NAV1: variants seen among roughly 807,000 people sequenced by gnomAD.
The protein encoded by NAV1 is neuron navigator 1, also known as pore membrane and/or filament interacting like protein 3.
Under a neutral mutation model 175.2 loss-of-function variants are expected in NAV1, and 18 were observed. The observed-to-expected ratio is 0.10, with a 90% CI of 0.07 to 0.15. The LOEUF (loss-of-function observed/expected upper bound fraction) is 0.15, where lower values mean the gene tolerates loss of function less well. NAV1 is among the 10% of genes least tolerant of loss of function. The probability of loss-of-function intolerance (pLI) is 1.00; values close to 1 mark genes in which losing one functional copy is unlikely to be tolerated. For synonymous variants in NAV1, 897 were observed against 978.7 expected (o/e 0.92, Z 1.56); for missense variants, 1,731 against 2,436.6 (o/e 0.71, Z 6.10).
intron 1 of NAV1, among the ~76,000 whole-genome samples, chr1:201,706,018 T>G (rs1365292352): frequency 1.3e-5 from 2 of 152,064 alleles, no homozygotes; most frequent in African/African-American, 4.8e-5. Context: ...TGCACTGAGG[T>G]GGGCCTGCAA....
rs766358064 is a variant in NAV1, at chr1:201,718,794, T to C, written c.1226+39T>C. 1.8e-5 allele frequency: 29 copies of C among 1,567,632 alleles called. 1 individual carries two copies. The South Asian group carries it at 3.3e-4, about 18-fold the overall frequency. On this transcript the variant is annotated intron_variant, in intron 3 of 29. Coordinates refer to ENST00000367296, the Ensembl canonical transcript of NAV1. The surrounding 1 kb of genome is among the most constrained non-coding windows in gnomAD (Gnocchi z 4.8). ...CTTCTTGGATGGCGGGGGAGGATGG[T>C]GGAAAGACCACTGGGATGCGACGCC... is the stretch of plus-strand genomic sequence containing the variant.
intron 1 of NAV1, among the ~76,000 whole-genome samples, chr1:201,681,090 T>C (rs1049492249): frequency 6.6e-6 from 1 of 152,082 alleles, no homozygotes; most frequent in African/African-American, 2.4e-5. Flanking sequence ...CCTCTGGGGG[T>C]GCCTTCCTAA....
chr1:201,639,938 A>G (rs1022937681), intron 2 of NAV1, among the ~76,000 whole-genome samples: 1 of 152,026 alleles, frequency 6.6e-6, no homozygotes, highest in African/African-American at 2.4e-5. Context: ...TCCCTGCTCT[A>G]TCCTTGCCCT....
chr1:201,551,852 T>G (rs1237446997), intron 1 of NAV1, among the ~76,000 whole-genome samples: 2 of 152,218 alleles, frequency 1.3e-5, no homozygotes, highest in African/African-American at 4.8e-5. Context: ...CTCCTCTGCT[T>G]TTTAGCCGGT....
chr1:201,604,029 A>G (rs191131648), intron 2 of NAV1, among the ~76,000 whole-genome samples: 66 of 152,204 alleles, frequency 4.3e-4, no homozygotes, highest in Non-Finnish European at 2.2e-4. Context: ...CCTTGAAACA[A>G]CCCTGTAAGA....
chr1:201,777,708 T>C (rs1676050707), intron 3 of NAV1, among the ~76,000 whole-genome samples: 1 of 152,130 alleles, frequency 6.6e-6, no homozygotes, highest in African/African-American at 2.4e-5. Context: ...CCCAGCACTT[T>C]GGGAGGCCAA....
chr1:201,729,056 G>A (rs1230146313), intron 3 of NAV1, among the ~76,000 whole-genome samples: 3 of 152,232 alleles, frequency 2.0e-5, no homozygotes, highest in Non-Finnish European at 4.4e-5. Flanking sequence ...AAGCTGTTGA[G>A]ATGAGCTTGG....
At chr1:201,614,455 A>G (rs540122961) in intron 2 of NAV1, among the ~76,000 whole-genome samples, 4 of 152,326 alleles carry the variant, frequency 2.6e-5, no homozygotes, top group Admixed American at 6.5e-5. Context: ...AGTTCTCCAG[A>G]CCGGGGAGAG....
chr1:201,755,780 G>A (rs1399392692), intron 3 of NAV1, among the ~76,000 whole-genome samples: 2 of 152,116 alleles, frequency 1.3e-5, no homozygotes, highest in East Asian at 3.9e-4. Context: ...TGCCTGGCGT[G>A]GAGAAGAGGC....
chr1:201,562,599 C>T (rs537072929), intron 1 of NAV1, among the ~76,000 whole-genome samples: 6 of 152,282 alleles, frequency 3.9e-5, no homozygotes, highest in Admixed American at 2.6e-4. Flanking sequence ...GAAAGGATCC[C>T]GGCAGGACTG....
chr1:201,643,875 T>G (rs956124846), upstream of NAV1, among the ~76,000 whole-genome samples: 1 of 152,192 alleles, frequency 6.6e-6, no homozygotes, highest in African/African-American at 2.4e-5. Flanking sequence ...CACAGGGGTG[T>G]GAGAATGTGA....
intron 1 of NAV1, among the ~76,000 whole-genome samples, chr1:201,581,135 C>T (rs978547874): frequency 3.9e-5 from 6 of 152,176 alleles, no homozygotes; most frequent in Non-Finnish European, 7.4e-5. Flanking sequence ...CCATGCTTAC[C>T]CTTAAAGGCT....
chr1:201,816,824 T>C (rs1455768009), intron 28 of NAV1: 2 of 430,778 alleles, frequency 4.6e-6, no homozygotes, highest in Admixed American at 3.9e-5. Flanking sequence ...CCGCCATGCA[T>C]GGCTAATTTT....
At chr1:201,669,062 G>A (rs1263397233) in intron 1 of NAV1, among the ~76,000 whole-genome samples, 3 of 152,152 alleles carry the variant, frequency 2.0e-5, no homozygotes, top group Non-Finnish European at 4.4e-5. Context: ...GTAGCACTGT[G>A]GTTAAGATCT....
chr1:201,809,154 A>G lies in NAV1; in HGVS notation c.4208-10A>G, dbSNP rs574392735. On this transcript the variant is annotated splice_polypyrimidine_tract_variant and intron_variant, in intron 20 of 29. Transcript: ENST00000367296. ...TCCTAAAACCAGTTGGTTCTTTTCAATCCCCACAGACCTGTCACCCATGGA... is the reference window on the plus strand; with the variant it reads ...TCCTAAAACCAGTTGGTTCTTTTCAGTCCCCACAGACCTGTCACCCATGGA... The G allele has an allele frequency of 6.2e-5, 100 of 1,613,346 alleles. No homozygotes were observed. The highest frequency in any genetic ancestry group is 7.8e-5 in the Non-Finnish European group (92 of 1,179,464).
upstream of NAV1, among the ~76,000 whole-genome samples, chr1:201,622,368 G>C (rs186176142): frequency 4.5e-4 from 69 of 152,330 alleles, no homozygotes; most frequent in African/African-American, 1.6e-3. Flanking sequence ...CACTGCACTG[G>C]AGAGTGTCCT....
chr1:201,602,829 C>T (rs1348993154), intron 2 of NAV1, among the ~76,000 whole-genome samples: 1 of 151,984 alleles, frequency 6.6e-6, no homozygotes, highest in Non-Finnish European at 1.5e-5. Context: ...TGCTGACTTT[C>T]ACCAGTCCCC....
chr1:201,540,563 A>C (rs1665484279), intron 1 of NAV1, among the ~76,000 whole-genome samples: 1 of 152,214 alleles, frequency 6.6e-6, no homozygotes. Flanking sequence ...ACGATCTGAC[A>C]CTGCAGAGAC....
chr1:201,753,673 A>T (rs1429955567), intron 3 of NAV1, among the ~76,000 whole-genome samples: 1 of 152,186 alleles, frequency 6.6e-6, no homozygotes, highest in Non-Finnish European at 1.5e-5. Context: ...TCATCATGAG[A>T]GGTCAAACGA....
Sources: gnomAD v4.1 joint callset for allele counts (sites outside exome capture counted in the v4.1 genomes callset) on GRCh38, gnomAD v4.1.1 for gene constraint, Gnocchi (gnomAD v3.1) non-coding constraint, MANE v1.5 for transcripts, NCBI Gene and HGNC (gene_info 2026-07-23, HGNC 2026-07-21) for gene names.